Variants in FAM217B observed in about 807,000 individuals in gnomAD.
The protein encoded by FAM217B is protein FAM217B.
For synonymous variants in FAM217B, 163 were observed against 173.0 expected (o/e 0.94, Z 0.45); for missense variants, 463 against 456.9 (o/e 1.01, Z -0.12).
At chr20:59,934,376 GC>G (rs2060840852) in intron 1 of FAM217B, among the ~76,000 whole-genome samples, 1 of 152,262 alleles carries the variant, frequency 6.6e-6, no homozygotes, top group Non-Finnish European at 1.5e-5. Context: ...GACAGGCACA[GC>G]CGCGAAAGGG....
Position 59,944,721 on chromosome 20 carries a change from T to C in FAM217B, c.778T>C (p.Ser260Pro). 6.2e-7 allele frequency: 1 copy of C among 1,614,130 alleles called. No individual in the cohort carries two copies. The highest frequency in any genetic ancestry group is 1.1e-5 in the South Asian group (1 of 91,078). The change falls in exon 4 of 4, where the codon TCA (serine) becomes CCA (proline). Residue 260 changes from serine (S) to proline (P), a missense_variant. Transcript: ENST00000360816. ...KAFHHEEIHP[S>P]HYAFETSPRP... ...TTTTCACCATGAAGAAATCCACCCATCACATTATGCATTTGAGACTTCCCC... is the reference window on the plus strand; with the variant it reads ...TTTTCACCATGAAGAAATCCACCCACCACATTATGCATTTGAGACTTCCCC...
rs771875385 is a variant in FAM217B, at chr20:59,944,566, C to G, written c.623C>G (p.Pro208Arg). The G allele has an allele frequency of 8.1e-6, 13 of 1,613,898 alleles. No homozygotes were observed. Among genetic ancestry groups the G allele is most frequent in the Non-Finnish European group, 1.0e-5 (12 of 1,179,992 alleles). Residue 208 changes from proline to arginine, a missense_variant, in exon 4 of 4, where the codon CCC (proline) becomes CGC (arginine). Coordinates refer to ENST00000360816, the MANE Select transcript of FAM217B (RefSeq NM_022106.3). ...AAAGCAAAGGGGGGCAAAGCAAGGC[C>G]CCCCACTGCCCCTGGGACCTCAGGG... Reference protein sequence around the residue: ...CEKAKGGKARPPTAPGTSGAL... With the variant: ...CEKAKGGKARRPTAPGTSGAL...
At chr20:59,939,992 A>T (rs1281303924), upstream of FAM217B, 95 of 1,219,528 alleles carry the variant, frequency 7.8e-5, no homozygotes, top group Non-Finnish European at 8.9e-5. Context: ...ACCCCGCGAC[A>T]GCTCCCTCCG....
intron 1 of FAM217B, among the ~76,000 whole-genome samples, chr20:59,941,834 T>G (rs2060907269): frequency 1.3e-5 from 2 of 152,214 alleles, no homozygotes; most frequent in Admixed American, 1.3e-4. Flanking sequence ...AACGCTGTAA[T>G]AAGACCTGAC....
chr20:59,943,860 A>C (rs2060919080), intron 3 of FAM217B, 80 bp from the exon 4 acceptor site: 2 of 1,215,468 alleles, frequency 1.6e-6, no homozygotes, highest in Admixed American at 5.2e-5. Context: ...TACAACTAGA[A>C]GATTCTTTTT....
chr20:59,935,762 G>A (rs1274993259), upstream of FAM217B, among the ~76,000 whole-genome samples: 1 of 152,222 alleles, frequency 6.6e-6, no homozygotes, highest in African/African-American at 2.4e-5. Context: ...GACAAGGCAA[G>A]ACCTTCTCTC....
upstream of FAM217B, chr20:59,940,047 G>A (rs1486838507): frequency 4.4e-5 from 39 of 877,744 alleles, no homozygotes; most frequent in Admixed American, 1.5e-3. Context: ...AACCTGCGGG[G>A]GACCTCTCGG....
Position 59,945,221 on chromosome 20 carries a change from T to G in FAM217B, c.*126T>G. On this transcript the variant is annotated 3_prime_UTR_variant, in exon 4 of 4. Coordinates refer to ENST00000360816, the MANE Select transcript of FAM217B (RefSeq NM_022106.3). ...GACATTTAAGTAGTTGACTGGCATT[T>G]TTGTCCACCTTTATTTCTACCCTGA... The G allele has an allele frequency of 1.2e-6, 1 of 806,198 alleles. No individual in the cohort carries two copies. The allele number at this position is 806,198 out of a possible 1,614,324, so 49.9% of individuals were successfully genotyped here. A position where few individuals can be genotyped will look rare whatever the true frequency, so the allele number is the denominator to read the frequency against.
upstream of FAM217B, chr20:59,939,736 G>A: frequency 8.0e-7 from 1 of 1,247,668 alleles, no homozygotes; most frequent in Non-Finnish European, 1.0e-6. Flanking sequence ...AGGATGATGG[G>A]CCGCAGGCGG....
rs1367961476 is a variant in FAM217B at position 59,947,603 on chromosome 20, C to A, written c.*2508C>A. 6.0e-6 allele frequency: 1 copy of A among 166,936 alleles called. No homozygotes were observed. The highest frequency in any genetic ancestry group is 1.5e-5 in the Non-Finnish European group (1 of 68,086). The allele number at this position is 166,936 out of a possible 1,614,324, so 10.3% of individuals were successfully genotyped here. A position where few individuals can be genotyped will look rare whatever the true frequency, so the allele number is the denominator to read the frequency against. The stretch of plus-strand genomic sequence containing the variant: ...CTGGTTGCATAATCTGGGGAATAGT[C>A]ATAATTTCATGTGTTATACAGTTTA... On this transcript the variant is annotated 3_prime_UTR_variant, in exon 4 of 4. Transcript: ENST00000360816.
At chr20:59,937,039 T>C (rs1274333262), upstream of FAM217B, 1 of 152,672 alleles carries the variant, frequency 6.5e-6, no homozygotes, top group African/African-American at 2.4e-5. Flanking sequence ...TTTAAGCTTT[T>C]AAATTTCATA....
In FAM217B at chr20:59,944,127, C is replaced by T; in HGVS notation, c.184C>T (p.Pro62Ser). The T allele has an allele frequency of 1.2e-6, 2 of 1,614,058 alleles. No individual in the cohort carries two copies. The highest frequency in any genetic ancestry group is 1.7e-6 in the Non-Finnish European group (2 of 1,179,978). ...CCCGGAAGCAAGACGCAAAAGGAAT[C>T]CACTCGGTTCCAGGTGTCAGGGGGC... is the stretch of plus-strand genomic sequence containing the variant. ...ISPEARRKRNPLGSRCQGASG... is the reference protein window; with the variant it reads ...ISPEARRKRNSLGSRCQGASG... Residue 62 changes from proline to serine, a missense_variant, in exon 4 of 4, where the codon CCA (proline) becomes TCA (serine). Transcript: ENST00000360816.
upstream of FAM217B, chr20:59,939,253 C>G: frequency 1.2e-6 from 2 of 1,611,718 alleles, no homozygotes; most frequent in Non-Finnish European, 1.7e-6. Context: ...TCGGGGCCTG[C>G]GGGCCCGCGC....
chr20:59,934,031 A>G (rs907549561), intron 1 of FAM217B, among the ~76,000 whole-genome samples: 1 of 152,028 alleles, frequency 6.6e-6, no homozygotes, highest in East Asian at 2.0e-4. Flanking sequence ...CGCGGGCGGG[A>G]CCAGGAGAAG....
rs567799309 is a variant in FAM217B at position 59,944,845 on chromosome 20, C to T, written c.902C>T (p.Thr301Met). The change falls in exon 4 of 4, where the codon ACG becomes ATG. Residue 301 changes from threonine (T) to methionine (M), a missense_variant. Physicochemically the swap from Thr to Met is moderately conservative, Grantham distance 81 (BLOSUM62 -1). Transcript: ENST00000360816. ...EEKKKKSSKS[T>M]KLQRWDLSGS... is the part of the protein sequence containing the mutation. ...AAGAAAAAGAAATCAAGTAAGAGTA[C>T]GAAGCTGCAGCGCTGGGATCTGTCC... The T allele has an allele frequency of 2.0e-5, 32 of 1,614,114 alleles. No homozygotes were observed. The highest frequency in any genetic ancestry group is 1.6e-4 in the African/African-American group (12 of 75,036).
chr20:59,948,260 A>C lies in FAM217B; in HGVS notation c.*3165A>C, dbSNP rs1482868149. ...GGATAGACTTCATACCCTGTGACAA[A>C]AAGGATGGGGAAGAGAATATCATTG... On this transcript the variant is annotated 3_prime_UTR_variant, in exon 4 of 4. Coordinates refer to ENST00000360816, the MANE Select transcript of FAM217B (RefSeq NM_022106.3). The C allele has an allele frequency of 6.0e-6, 1 of 167,054 alleles. No individual in the cohort carries two copies. The highest frequency in any genetic ancestry group is 2.4e-5 in the African/African-American group (1 of 41,446). 10.3% of individuals were successfully genotyped at this position (167,054 alleles called of 1,614,324 possible).
At chr20:59,939,734 G>C (rs2060887738), upstream of FAM217B, 5 of 1,252,206 alleles carry the variant, frequency 4.0e-6, no homozygotes, top group Admixed American at 8.6e-5. Flanking sequence ...GCAGGATGAT[G>C]GGCCGCAGGC....
chr20:59,935,495 C>CCGTG (rs1418523496), upstream of FAM217B, among the ~76,000 whole-genome samples: 1 of 152,132 alleles, frequency 6.6e-6, no homozygotes, highest in Non-Finnish European at 1.5e-5. Flanking sequence ...AAACTATGTG[C>CCGTG]CGTGGTTCAC....
At position 59,944,608 on chromosome 20, in the gene FAM217B, G is replaced by T. The variant is rs2060925802; in HGVS notation, c.665G>T (p.Gly222Val). The T allele has an allele frequency of 6.2e-7, 1 of 1,613,916 alleles. No individual in the cohort carries two copies. The highest frequency in any genetic ancestry group is 1.3e-5 in the African/African-American group (1 of 74,874). Residue 222 changes from glycine (G) to valine (V), a missense_variant, in exon 4 of 4, where the codon GGG (glycine) becomes GTG (valine). Gly to Val is a moderately radical substitution (Grantham distance 109). Transcript: ENST00000360816. ...PGTSGALKSPGRSKLIASALS... is the reference protein window; with the variant it reads ...PGTSGALKSPVRSKLIASALS... ...ACCTCAGGGGCACTGAAAAGCCCTGGGAGAAGTAAGCTAATTGCTAGTGCT... is the reference window on the plus strand; with the variant it reads ...ACCTCAGGGGCACTGAAAAGCCCTGTGAGAAGTAAGCTAATTGCTAGTGCT...
Sources: allele counts gnomAD v4.1 joint callset (sites outside exome capture counted in the v4.1 genomes callset), GRCh38; gene constraint gnomAD v4.1.1; transcripts MANE v1.5; gene names NCBI Gene and HGNC (gene_info 2026-07-23, HGNC 2026-07-21).